The following NKAIN2 variants were observed in gnomAD, a reference collection of about 807,000 sequenced individuals.
The protein encoded by NKAIN2 is sodium/potassium transporting ATPase interacting 2.
In NKAIN2, 14 loss-of-function variants were observed where a neutral mutation model predicts 32.6. That is an observed-to-expected ratio of 0.43 (90% confidence interval 0.28 to 0.67). The LOEUF (loss-of-function observed/expected upper bound fraction) is 0.67, where lower values mean the gene tolerates loss of function less well. NKAIN2 is among the 30% of genes least tolerant of loss of function. The probability of loss-of-function intolerance (pLI) is 0.17; values close to 1 mark genes in which losing one functional copy is unlikely to be tolerated. For synonymous variants in NKAIN2, 80 were observed against 87.2 expected (o/e 0.92, Z 0.46); for missense variants, 198 against 258.3 (o/e 0.77, Z 1.60).
intron 1 of NKAIN2, among the ~76,000 whole-genome samples, chr6:124,209,930 G>A (rs1472520014): frequency 2.0e-5 from 3 of 151,602 alleles, no homozygotes; most frequent in East Asian, 1.9e-4. Flanking sequence ...TGCTTCCTTT[G>A]CTGTACAGAA....
intron 1 of NKAIN2, among the ~76,000 whole-genome samples, chr6:123,925,012 C>CA (rs1775941922): frequency 6.6e-6 from 1 of 151,682 alleles, no homozygotes; most frequent in Non-Finnish European, 1.5e-5. Flanking sequence ...TAACTAAAAC[C>CA]AAAAACGTGT....
chr6:124,282,896 A>G, intron 1 of NKAIN2, 109 bp from the exon 2 acceptor site: 1 of 907,056 alleles, frequency 1.1e-6, no homozygotes, highest in Non-Finnish European at 1.7e-6. Context: ...CAGATATGGT[A>G]ACACAGTTAT....
chr6:124,697,759 A>C (rs1029841337), intron 4 of NKAIN2, among the ~76,000 whole-genome samples: 7 of 152,190 alleles, frequency 4.6e-5, no homozygotes, highest in African/African-American at 1.7e-4. Context: ...ATTGTATACT[A>C]ACAGGGATCA....
At chr6:124,515,137 A>G (rs980905980) in intron 3 of NKAIN2, among the ~76,000 whole-genome samples, 8 of 152,150 alleles carry the variant, frequency 5.3e-5, no homozygotes, top group Admixed American at 5.2e-4. Context: ...TATTCACATT[A>G]TATTTAAGGA....
intron 3 of NKAIN2, among the ~76,000 whole-genome samples, chr6:124,629,136 T>C (rs892876383): frequency 6.6e-6 from 1 of 152,114 alleles, no homozygotes; most frequent in African/African-American, 2.4e-5. Context: ...AAATGGAAAT[T>C]CTTTCTCATC....
At chr6:123,841,465 C>A (rs1443642967) in intron 1 of NKAIN2, among the ~76,000 whole-genome samples, 8 of 152,138 alleles carry the variant, frequency 5.3e-5, no homozygotes, top group Non-Finnish European at 8.8e-5. Flanking sequence ...ATATTACAGT[C>A]CCTTTGAAAA....
In NKAIN2 at chr6:123,822,635, T is replaced by C. The variant is rs9490949; in HGVS notation, c.54+18381T>C. 9.4e-3 allele frequency among the ~76,000 whole-genome samples: 1,435 copies of C among 152,192 alleles called. 20 individuals are homozygous for C. The highest frequency in any genetic ancestry group is 0.032 in the African/African-American group (1,310 of 41,514). Reference sequence around the variant, plus strand: ...GAGAGACATGATCCTCCCATTCAGATTGAAGTATTTTTGGAGGTGTAGTGG... The same window carrying C: ...GAGAGACATGATCCTCCCATTCAGACTGAAGTATTTTTGGAGGTGTAGTGG... On this transcript the variant is annotated intron_variant, in intron 1 of 6. Coordinates refer to ENST00000368417, the MANE Select transcript of NKAIN2 (RefSeq NM_001040214.3).
At chr6:123,883,213 CG>C (rs1773533653) in intron 1 of NKAIN2, among the ~76,000 whole-genome samples, 2 of 152,094 alleles carry the variant, frequency 1.3e-5, no homozygotes, top group East Asian at 3.9e-4. Context: ...GGCGTGAACT[CG>C]GCTCACTGCA....
chr6:124,355,497 A>G, intron 3 of NKAIN2, 150 bp downstream of exon 3: 2 of 580,334 alleles, frequency 3.4e-6, no homozygotes, highest in East Asian at 2.9e-5. Context: ...CTGCATTTTT[A>G]TCATTAAAAA....
At chr6:124,547,107 C>G (rs1206920046) in intron 3 of NKAIN2, among the ~76,000 whole-genome samples, 1 of 151,630 alleles carries the variant, frequency 6.6e-6, no homozygotes, top group South Asian at 2.1e-4. Context: ...CCTTTGGACA[C>G]ATATTAAACA....
chr6:124,687,743 T>TACACACACACACACACACACAC (rs373594549), intron 4 of NKAIN2, among the ~76,000 whole-genome samples: 2 of 104,374 alleles, frequency 1.9e-5, no homozygotes, highest in Non-Finnish European at 3.7e-5. Context: ...ATATGATATA[T>TACACACACACACACACACACAC]ACACACACAC....
chr6:124,797,879 G>T (rs1393605161), intron 5 of NKAIN2, among the ~76,000 whole-genome samples: 3 of 152,066 alleles, frequency 2.0e-5, no homozygotes, highest in African/African-American at 7.2e-5. Context: ...ATAAAGGAAT[G>T]CAGAAAGCAT....
At chr6:124,495,408 T>C (rs1189626195) in intron 3 of NKAIN2, among the ~76,000 whole-genome samples, 1 of 152,088 alleles carries the variant, frequency 6.6e-6, no homozygotes, top group Non-Finnish European at 1.5e-5. Flanking sequence ...GTTGTTGTTA[T>C]GTTTTCCCTT....
At chr6:123,844,891 A>G (rs1000308250) in intron 1 of NKAIN2, among the ~76,000 whole-genome samples, 17 of 152,216 alleles carry the variant, frequency 1.1e-4, no homozygotes, top group Non-Finnish European at 1.3e-4. Context: ...GAGATTTGCT[A>G]TTGTATGCAG....
chr6:124,021,674 G>A lies in NKAIN2; in HGVS notation c.54+217420G>A, dbSNP rs141766607. Among the ~76,000 whole-genome samples, 46 of 151,690 alleles carry A rather than the reference G, an allele frequency of 3.0e-4. 1 individual carries two copies. In the East Asian group the frequency reaches 8.4e-3, roughly 28 times the overall value. ...GGCAATTTAAAATTTTTGCCTTATAGGCTTATAAATCTCTCTTTCCCATCT... is the reference window on the plus strand; with the variant it reads ...GGCAATTTAAAATTTTTGCCTTATAAGCTTATAAATCTCTCTTTCCCATCT... On this transcript the variant is annotated intron_variant, in intron 1 of 6. Coordinates refer to ENST00000368417, the MANE Select transcript of NKAIN2 (RefSeq NM_001040214.3).
intron 1 of NKAIN2, among the ~76,000 whole-genome samples, chr6:124,108,290 T>C: frequency 6.6e-6 from 1 of 152,140 alleles, no homozygotes; most frequent in Non-Finnish European, 1.5e-5. Context: ...CATCTTTTCA[T>C]ATACACGGTG....
At chr6:124,094,994 GTTATT>G (rs1363406602) in intron 1 of NKAIN2, among the ~76,000 whole-genome samples, 6 of 151,970 alleles carry the variant, frequency 3.9e-5, no homozygotes, top group Non-Finnish European at 8.8e-5. Context: ...TTTTTTAAAT[GTTATT>G]TTATTTCTCT....
chr6:123,914,156 C>G (rs235664), intron 1 of NKAIN2, among the ~76,000 whole-genome samples: 66,963 of 151,888 alleles, frequency 0.44, 16,097 homozygotes, highest in African/African-American at 0.64. Context: ...CCCTCTTTCT[C>G]TCTTACCAGT....
chr6:124,598,719 G>A (rs1236161129), intron 3 of NKAIN2, among the ~76,000 whole-genome samples: 1 of 148,320 alleles, frequency 6.7e-6, no homozygotes, highest in Non-Finnish European at 1.5e-5. Flanking sequence ...GAACACTAAA[G>A]CCCATAGCAC....
Sources: gnomAD v4.1 joint callset for allele counts (sites outside exome capture counted in the v4.1 genomes callset) on GRCh38, gnomAD v4.1.1 for gene constraint, MANE v1.5 for transcripts, NCBI Gene and HGNC (gene_info 2026-07-23, HGNC 2026-07-21) for gene names.